RORA: variants seen among roughly 807,000 people sequenced by gnomAD.
The protein encoded by RORA is nuclear receptor ROR-alpha.
RORA carries 7 observed loss-of-function variants against 69.5 expected under a neutral mutation model. That is an observed-to-expected ratio of 0.10 (90% CI 0.06 to 0.19). RORA has a LOEUF of 0.19. RORA is among the 10% of genes least tolerant of loss of function. The pLI, the probability that RORA is intolerant of heterozygous loss-of-function variation, is 1.00. For synonymous variants in RORA, 261 were observed against 240.8 expected (o/e 1.08, Z -0.78); for missense variants, 457 against 663.0 (o/e 0.69, Z 3.41).
intron 1 of RORA, among the ~76,000 whole-genome samples, chr15:60,772,112 G>A (rs1242240530): frequency 2.0e-5 from 3 of 151,872 alleles, no homozygotes; most frequent in African/African-American, 7.3e-5. Context: ...TAACGTGCAG[G>A]TTTGACACAT....
chr15:61,036,400 T>C (rs897438861), intron 1 of RORA, among the ~76,000 whole-genome samples: 2 of 152,154 alleles, frequency 1.3e-5, no homozygotes, highest in African/African-American at 4.8e-5. Flanking sequence ...CAAAGCAGGA[T>C]ATGTATGTGC....
At chr15:60,775,531 A>G (rs1288062031) in intron 1 of RORA, among the ~76,000 whole-genome samples, 2 of 152,176 alleles carry the variant, frequency 1.3e-5, no homozygotes, top group Non-Finnish European at 2.9e-5. Flanking sequence ...TCTGATAAAA[A>G]TCCTTCTTGG....
chr15:60,823,121 TC>T (rs2072914848), intron 1 of RORA, among the ~76,000 whole-genome samples: 8 of 117,376 alleles, frequency 6.8e-5, no homozygotes, highest in African/African-American at 1.6e-4. Flanking sequence ...TCTCTCTCTC[TC>T]TCTCTCTCTT....
At chr15:61,146,455 C>T (rs1260261305) in intron 1 of RORA, among the ~76,000 whole-genome samples, 1 of 80,426 alleles carries the variant, frequency 1.2e-5, no homozygotes, top group African/African-American at 4.0e-5. Context: ...AACACACATA[C>T]ACATACACAC....
intron 9 of RORA, 146 bp from the exon 10 acceptor site, chr15:60,500,150 TC>T: frequency 1.7e-6 from 1 of 592,258 alleles, no homozygotes; most frequent in Non-Finnish European, 2.9e-6. Context: ...TCAAAATTTC[TC>T]CTAATGGAGT....
intron 1 of RORA, among the ~76,000 whole-genome samples, chr15:60,727,541 A>G (rs956341778): frequency 6.6e-6 from 1 of 152,204 alleles, no homozygotes; most frequent in Admixed American, 6.5e-5. Context: ...GTCAACTAGA[A>G]CATTTTAAGC....
intron 1 of RORA, among the ~76,000 whole-genome samples, chr15:61,093,045 T>A (rs1412899396): frequency 6.6e-6 from 1 of 152,170 alleles, no homozygotes; most frequent in East Asian, 1.9e-4. Context: ...TCTTCCTCTA[T>A]CTGCTGTCAA....
chr15:61,169,169 C>A (rs2079563834), intron 1 of RORA, among the ~76,000 whole-genome samples: 1 of 152,046 alleles, frequency 6.6e-6, no homozygotes, highest in Non-Finnish European at 1.5e-5. Context: ...AAGTCCCCTG[C>A]AGACGCCAGG....
intron 1 of RORA, among the ~76,000 whole-genome samples, chr15:60,842,532 A>T (rs1001942501): frequency 6.6e-6 from 1 of 151,982 alleles, no homozygotes; most frequent in Non-Finnish European, 1.5e-5. Flanking sequence ...TGCACTTTCC[A>T]TTTTCAGGCC....
chr15:60,702,145 C>T (rs2070991018), intron 1 of RORA, among the ~76,000 whole-genome samples: 1 of 152,162 alleles, frequency 6.6e-6, no homozygotes, highest in South Asian at 2.1e-4. Flanking sequence ...AAGTCACTTA[C>T]CCTCTCAAAG....
chr15:60,884,406 T>C (rs2073728774), intron 1 of RORA, among the ~76,000 whole-genome samples: 1 of 152,054 alleles, frequency 6.6e-6, no homozygotes, highest in Non-Finnish European at 1.5e-5. Flanking sequence ...TTTGCTGGAA[T>C]GACTGGATAC....
intron 1 of RORA, among the ~76,000 whole-genome samples, chr15:60,719,768 T>C (rs935832105): frequency 2.6e-5 from 4 of 152,152 alleles, no homozygotes; most frequent in Admixed American, 6.5e-5. Context: ...CTTTGAAAAG[T>C]CAGCTTGTTA....
chr15:61,010,765 A>T (rs1180693765), intron 1 of RORA, among the ~76,000 whole-genome samples: 1 of 152,198 alleles, frequency 6.6e-6, no homozygotes, highest in Non-Finnish European at 1.5e-5. Flanking sequence ...TGTTATGCCC[A>T]GTGGACAATA....
chr15:61,191,851 G>A (rs1025889157), intron 1 of RORA, among the ~76,000 whole-genome samples: 2 of 152,208 alleles, frequency 1.3e-5, no homozygotes, highest in African/African-American at 4.8e-5. Flanking sequence ...TAAAATAACA[G>A]GAATATTTAA....
At chr15:60,748,689 T>C (rs533613534) in intron 1 of RORA, among the ~76,000 whole-genome samples, 1 of 152,308 alleles carries the variant, frequency 6.6e-6, no homozygotes, top group African/African-American at 2.4e-5. Context: ...CTGGTTTCTT[T>C]GAATCCCACT....
At chr15:60,592,629 GGGCGGGA>G (rs371824358) in intron 2 of RORA, 307,486 of 1,130,450 alleles carry the variant, frequency 0.27, 45,240 homozygotes, top group East Asian at 0.46. Context: ...CTTCCTCCCG[GGGCGGGA>G]GGCGGGAGGC....
intron 1 of RORA, among the ~76,000 whole-genome samples, chr15:61,166,568 C>T (rs995673909): frequency 5.9e-5 from 9 of 152,098 alleles, no homozygotes; most frequent in Admixed American, 6.5e-5. Flanking sequence ...TTACCCAGTG[C>T]TTTTTGTTTG....
At chr15:60,760,081 T>C (rs2071864052) in intron 1 of RORA, among the ~76,000 whole-genome samples, 1 of 152,186 alleles carries the variant, frequency 6.6e-6, no homozygotes, top group Non-Finnish European at 1.5e-5. Context: ...GTTCAATTTG[T>C]ATGTGTGTTT....
At chr15:60,592,966 G>A (rs1241446506) in intron 2 of RORA, 2 of 454,910 alleles carry the variant, frequency 4.4e-6, no homozygotes, top group East Asian at 1.4e-4. Context: ...CAGCTCGTTG[G>A]TGGAAAAGAC....
Sources: gnomAD v4.1 joint callset for allele counts (sites outside exome capture counted in the v4.1 genomes callset) on GRCh38, gnomAD v4.1.1 for gene constraint, MANE v1.5 for transcripts, NCBI Gene and HGNC (gene_info 2026-07-23, HGNC 2026-07-21) for gene names.